Variants in MYH4 observed in about 807,000 individuals in gnomAD.
MYH4 encodes myosin-4.
A neutral mutation model predicts 229.9 loss-of-function variants in MYH4; 200 were observed. That is an observed-to-expected ratio of 0.87 (90% confidence interval 0.78 to 0.98). The LOEUF (loss-of-function observed/expected upper bound fraction) is 0.98, where lower values mean the gene tolerates loss of function less well. Among genes scored for constraint, MYH4 ranks in the 50% least tolerant of loss-of-function variants. The pLI is 0.00. For missense variants in MYH4, 2,148 were observed against 2,332.6 expected (o/e 0.92, Z 1.63); for synonymous variants, 761 against 834.6 (o/e 0.91, Z 1.52).
intron 25 of MYH4, 35 bp downstream of exon 25, chr17:10,452,752 A>G (rs759730858): frequency 1.3e-6 from 2 of 1,568,660 alleles, no homozygotes; most frequent in Non-Finnish European, 1.7e-6. Context: ...TTGACATACA[A>G]CAAGCAGGTT....
intron 15 of MYH4, 150 bp downstream of exon 15, chr17:10,459,101 T>A: frequency 7.8e-7 from 1 of 1,287,238 alleles, no homozygotes; most frequent in Non-Finnish European, 1.1e-6. Flanking sequence ...TAATAACAGA[T>A]CACTTGGAAC....
rs767346356 is a variant in MYH4, at chr17:10,447,822, A to G, written c.4961T>C (p.Leu1654Pro). 1.2e-6 allele frequency: 2 copies of G among 1,607,974 alleles called. No homozygotes were observed. The highest frequency in any genetic ancestry group is 1.3e-5 in the African/African-American group (1 of 74,802). The change falls in exon 34 of 40, where the codon CTG becomes CCG. Residue 1654 changes from leucine to proline, a missense_variant. Transcript: ENST00000255381. ...LRNLRNTQGI[L>P]KDTQLHLDDA... ...TGTGTATTTACCCCAGCATACCTTC[A>G]GTATTCCTTGTGTGTTTCTAAGATT... is the stretch of plus-strand genomic sequence containing the variant.
chr17:10,452,134 A>G lies in MYH4; in HGVS notation c.3545T>C (p.Leu1182Pro), dbSNP rs2072582695. 1 of 1,613,938 alleles carries G rather than the reference A, an allele frequency of 6.2e-7. No individual in the cohort carries two copies. The highest frequency in any genetic ancestry group is 1.7e-5 in the Admixed American group (1 of 59,996). Reference sequence around the variant, plus strand: ...TTCGTGCTGCAGGGTGGACTCTTCCAGGTCCCTGCGCATTTTCTGGAACTC... The same window carrying G: ...TTCGTGCTGCAGGGTGGACTCTTCCGGGTCCCTGCGCATTTTCTGGAACTC... ...EAEFQKMRRD[L>P]EESTLQHEAT... Residue 1182 changes from leucine to proline, a missense_variant, in exon 27 of 40, where the codon CTG becomes CCG. Physicochemically the swap from Leu to Pro is moderately conservative, Grantham distance 98. Coordinates refer to ENST00000255381, the MANE Select transcript of MYH4 (RefSeq NM_017533.2).
At chr17:10,467,180 A>G (rs1387514731) in intron 2 of MYH4, among the ~76,000 whole-genome samples, 1 of 152,190 alleles carries the variant, frequency 6.6e-6, no homozygotes, top group Non-Finnish European at 1.5e-5. Context: ...ATGGACAATA[A>G]CTGTTTCCAC....
At position 10,454,175 on chromosome 17, in the gene MYH4, A is replaced by G. The variant is rs16943443; in HGVS notation, c.2692-290T>C. ...GCAACTTTGGAAAAATCGCTTGTTC[A>G]TTGTAGGACTCAGTTTTCTCACATT... On this transcript the variant is annotated intron_variant, in intron 22 of 39. Transcript: ENST00000255381. Among the ~76,000 whole-genome samples, 791 of 152,354 alleles carry G rather than the reference A, an allele frequency of 5.2e-3. 9 individuals carry two copies. Among genetic ancestry groups the G allele is most frequent in the African/African-American group, 0.018 (766 of 41,588 alleles).
At position 10,460,079 on chromosome 17, in the gene MYH4, A is replaced by T. The variant is rs2072684243; in HGVS notation, c.1289T>A (p.Leu430Gln). 6.2e-7 allele frequency: 1 copy of T among 1,614,234 alleles called. No individual in the cohort carries two copies. The highest frequency in any genetic ancestry group is 2.2e-5 in the East Asian group (1 of 44,874). Residue 430 changes from leucine to glutamine, a missense_variant, in exon 14 of 40, where the codon CTG becomes CAG. Leu to Gln is a moderately radical substitution (Grantham distance 113). Coordinates refer to ENST00000255381, the MANE Select transcript of MYH4 (RefSeq NM_017533.2). ...VQQVYNAVGA[L>Q]AKAIYEKMFL... is the part of the protein sequence containing the mutation. ...CATCTTCTCGTAGATGGCTTTGGCC[A>T]GAGCACCCACTGCATTGTACACCTT...
Position 10,456,521 on chromosome 17 carries a change from C to CT in MYH4, c.1931dup (p.Ser646PhefsTer16). On this transcript the variant is annotated frameshift_variant, in exon 17 of 40. Transcript: ENST00000255381. LOFTEE classifies it high-confidence loss of function. Reference sequence around the variant, plus strand: ...CTGACACTGTCTGGAAAGAAGAACCCTTCTTTTTGCCACCTTTCTTTCCAC... The same window carrying CT: ...CTGACACTGTCTGGAAAGAAGAACCCTTTCTTTTTGCCACCTTTCTTTCCAC... 6.2e-7 allele frequency: 1 copy of CT among 1,613,862 alleles called. No homozygotes were observed. Among genetic ancestry groups the CT allele is most frequent in the Non-Finnish European group, 8.5e-7 (1 of 1,179,912 alleles).
Position 10,453,258 on chromosome 17 carries a change from G to T in MYH4, c.3005C>A (p.Ala1002Asp). 6.2e-7 allele frequency: 1 copy of T among 1,614,050 alleles called. No individual in the cohort carries two copies. Among genetic ancestry groups the T allele is most frequent in the East Asian group, 2.2e-5 (1 of 44,862 alleles). ...GGTCTGCTGGTGGGCCTCCTGGAGA[G>T]CCTTCTTCTCCTTGGTCAGCTTAGC... is the stretch of plus-strand genomic sequence containing the variant. The part of the protein sequence containing the change: ...TIAKLTKEKK[A>D]LQEAHQQTLD... Residue 1002 changes from alanine (A) to aspartate (D), a missense_variant, in exon 24 of 40, where the codon GCT (alanine) becomes GAT (aspartate). Physicochemically the swap from Ala to Asp is moderately radical, Grantham distance 126 (BLOSUM62 -2). Coordinates refer to ENST00000255381, the MANE Select transcript of MYH4 (RefSeq NM_017533.2).
chr17:10,450,793 A>G lies in MYH4; in HGVS notation c.3968T>C (p.Leu1323Pro), dbSNP rs375726698. ...TQQIEELKRQ[L>P]EEETKAKSTL... ...AATTCTCACCTTAGTCTCCTCTTCT[A>G]GCTGCCTCTTTAATTCTTCAATCTG... Residue 1323 changes from leucine to proline, a missense_variant, in exon 29 of 40, where the codon CTA (leucine) becomes CCA (proline). Physicochemically the swap from Leu to Pro is moderately conservative, Grantham distance 98. Transcript: ENST00000255381. 3.1e-6 allele frequency: 5 copies of G among 1,613,820 alleles called. No individual in the cohort carries two copies. Among genetic ancestry groups the G allele is most frequent in the Non-Finnish European group, 3.4e-6 (4 of 1,179,712 alleles).
chr17:10,452,122 G>T lies in MYH4; in HGVS notation c.3557C>A (p.Thr1186Asn). The T allele has an allele frequency of 6.2e-7, 1 of 1,614,046 alleles. No homozygotes were observed. The highest frequency in any genetic ancestry group is 8.5e-7 in the Non-Finnish European group (1 of 1,179,996). Residue 1186 changes from threonine (T) to asparagine (N), a missense_variant, in exon 27 of 40, where the codon ACC becomes AAC. By Grantham distance (65) the Thr-to-Asn change is moderately conservative. Transcript: ENST00000255381. The stretch of plus-strand genomic sequence containing the variant: ...AGCTGCCGTGGCTTCGTGCTGCAGG[G>T]TGGACTCTTCCAGGTCCCTGCGCAT... ...QKMRRDLEESTLQHEATAAAL... is the reference protein window; with the variant it reads ...QKMRRDLEESNLQHEATAAAL...
chr17:10,454,275 A>T (rs927440526), intron 22 of MYH4, among the ~76,000 whole-genome samples: 1 of 152,382 alleles, frequency 6.6e-6, no homozygotes, highest in South Asian at 2.1e-4. Flanking sequence ...ACAAAAATAC[A>T]CTAAAGAAAG....
At position 10,449,185 on chromosome 17, in the gene MYH4, C is replaced by G. The variant is rs1014568564; in HGVS notation, c.4182-138G>C. 1.9e-5 allele frequency: 14 copies of G among 722,734 alleles called. No homozygotes were observed. In the African/African-American group the frequency reaches 2.1e-4, roughly 11 times the overall value. The allele number at this position is 722,734 out of a possible 1,614,324, so 44.8% of individuals were successfully genotyped here. On this transcript the variant is annotated intron_variant, in intron 30 of 39. Coordinates refer to ENST00000255381, the MANE Select transcript of MYH4 (RefSeq NM_017533.2). ...TTGAATTTTTCTAAACATTTTCACTCTCTTAGAATTCTGTTTTCCCTGTTG... is the reference window on the plus strand; with the variant it reads ...TTGAATTTTTCTAAACATTTTCACTGTCTTAGAATTCTGTTTTCCCTGTTG...
chr17:10,448,155 A>G, intron 33 of MYH4, 29 bp from the exon 34 acceptor site: 3 of 1,563,918 alleles, frequency 1.9e-6, no homozygotes, highest in Non-Finnish European at 1.7e-6. Context: ...TATTTAGGTT[A>G]CCTAAAGAGC....
intron 35 of MYH4, 119 bp downstream of exon 35, chr17:10,446,894 A>G: frequency 9.7e-7 from 1 of 1,027,476 alleles, no homozygotes; most frequent in Non-Finnish European, 1.4e-6. Flanking sequence ...CACCCTGTAC[A>G]TTTTCCAGAG....
Position 10,457,569 on chromosome 17 carries a change from A to T in MYH4, c.1748T>A (p.Val583Glu). 2 of 1,614,186 alleles carry T rather than the reference A, an allele frequency of 1.2e-6. No individual in the cohort carries two copies. Among genetic ancestry groups the T allele is most frequent in the Non-Finnish European group, 1.7e-6 (2 of 1,180,036 alleles). ...GTAGTCCACGGTGCCGGCATAGTGC[A>T]CCAGTGAGAAGTGAGCCTCAGGCTT... ...KGKPEAHFSL[V>E]HYAGTVDYNI... Residue 583 changes from valine (V) to glutamate (E), a missense_variant, in exon 16 of 40, where the codon GTG (valine) becomes GAG (glutamate). Val to Glu is a moderately radical substitution (Grantham distance 121, BLOSUM62 -2). Coordinates refer to ENST00000255381, the MANE Select transcript of MYH4 (RefSeq NM_017533.2).
At chr17:10,461,483 C>G (rs527514387) in intron 11 of MYH4, among the ~76,000 whole-genome samples, 1 of 152,082 alleles carries the variant, frequency 6.6e-6, no homozygotes, top group South Asian at 2.1e-4. Context: ...CCTATTTGTC[C>G]TATCCTAATG....
rs199550986 is a variant in MYH4, at chr17:10,455,262, C to T, written c.2208G>A (p.Glu736=). 1.2e-6 allele frequency: 2 copies of T among 1,613,790 alleles called. No homozygotes were observed. The highest frequency in any genetic ancestry group is 2.2e-5 in the East Asian group (1 of 44,864). The change falls in exon 20 of 40, where the codon GAG becomes GAA. Residue 736 remains glutamate (E), a synonymous_variant. Coordinates refer to ENST00000255381, the MANE Select transcript of MYH4 (RefSeq NM_017533.2). ...YKVLNASAIP[E]GQFIDSKKAS... ...CCTTCTTGCTGTCAATGAACTGACC[C>T]TCTGGGATAGCACTCGCATTTAGAA...
chr17:10,446,068 G>A (rs996579611), intron 35 of MYH4, among the ~76,000 whole-genome samples: 1 of 149,732 alleles, frequency 6.7e-6, no homozygotes, highest in Non-Finnish European at 1.5e-5. Context: ...GTCTTGTTGG[G>A]ATAAAAATGA....
intron 28 of MYH4, 131 bp downstream of exon 28, chr17:10,451,195 A>G: frequency 8.2e-7 from 1 of 1,212,266 alleles, no homozygotes. Context: ...CATAATAAAA[A>G]GATGGAGGAA....
Sources: allele counts gnomAD v4.1 joint callset (sites outside exome capture counted in the v4.1 genomes callset), GRCh38; gene constraint gnomAD v4.1.1; transcripts MANE v1.5; gene names NCBI Gene and HGNC (gene_info 2026-07-23, HGNC 2026-07-21).